Variants in HPD observed in about 807,000 individuals in gnomAD.
HPD encodes 4-hydroxyphenylpyruvate dioxygenase, also known as 4-hydroxyphenylpyruvic acid oxidase.
Under a neutral mutation model 56.9 loss-of-function variants are expected in HPD, and 35 were observed. The observed-to-expected ratio is 0.62, with a 90% CI of 0.47 to 0.82. HPD has a LOEUF of 0.82. HPD is among the 40% of genes least tolerant of loss of function. The pLI is 0.00. For synonymous variants in HPD, 186 were observed against 200.2 expected, an observed-to-expected ratio of 0.93 and a Z score of 0.60; for missense variants, 442 against 506.8, an observed-to-expected ratio of 0.87 and a Z score of 1.23.
the HPD span, among the ~76,000 whole-genome samples, chr12:121,879,355 T>C: frequency 1.1e-4 from 16 of 151,874 alleles, no homozygotes; most frequent in African/African-American, 3.9e-4. Context: ...AAAATACACA[T>C]AATTAAGAGG....
In HPD at chr12:121,856,783, G is replaced by C. The variant is rs1878017877; in HGVS notation, c.199-158C>G. 3 of 708,624 alleles carry C rather than the reference G, an allele frequency of 4.2e-6. No homozygotes were observed. In the African/African-American group the frequency reaches 5.3e-5, roughly 12 times the overall value. The allele number at this position is 708,624 out of a possible 1,614,324, so 43.9% of individuals were successfully genotyped here. A position where few individuals can be genotyped will look rare whatever the true frequency, so the allele number is the denominator to read the frequency against. Reference sequence around the variant, plus strand: ...CTTCTCTGCCTTAGTTTCCCACACTGGTCCTGAGGGATGGGGCTTTCAGCC... The same window carrying C: ...CTTCTCTGCCTTAGTTTCCCACACTCGTCCTGAGGGATGGGGCTTTCAGCC... On this transcript the variant is annotated intron_variant, in intron 4 of 13. Coordinates refer to ENST00000289004, the MANE Select transcript of HPD (RefSeq NM_002150.3).
At chr12:121,850,775 T>G (rs1170127087) in intron 7 of HPD, among the ~76,000 whole-genome samples, 1 of 149,164 alleles carries the variant, frequency 6.7e-6, no homozygotes. Flanking sequence ...CTTGGCTCTC[T>G]GCAACCTCCG....
chr12:121,871,127 C>T, the HPD span, among the ~76,000 whole-genome samples: 1 of 151,782 alleles, frequency 6.6e-6, no homozygotes, highest in African/African-American at 2.4e-5. Context: ...TTTGGGAGGC[C>T]GAGGCAGACA....
At chr12:121,885,275 C>T in the HPD span, among the ~76,000 whole-genome samples, 1 of 151,392 alleles carries the variant, frequency 6.6e-6, no homozygotes, top group South Asian at 2.1e-4. Flanking sequence ...CATCTCGGCT[C>T]ATTGTAACCT....
chr12:121,885,021 G>C, the HPD span, among the ~76,000 whole-genome samples: 1 of 151,896 alleles, frequency 6.6e-6, no homozygotes, highest in Admixed American at 6.6e-5. Context: ...CTCCCGAGTA[G>C]CTGGGATTAC....
chr12:121,870,628 C>G, the HPD span, among the ~76,000 whole-genome samples: 2 of 132,812 alleles, frequency 1.5e-5, no homozygotes, highest in Non-Finnish European at 3.1e-5. Flanking sequence ...CAGAGTTTCA[C>G]TCTTGTTACT....
In HPD at chr12:121,846,898, C is replaced by T. The variant is rs1254554824; in HGVS notation, c.795G>A (p.Gln265=). The T allele has an allele frequency of 1.2e-6, 2 of 1,614,004 alleles. No individual in the cohort carries two copies. Among genetic ancestry groups the T allele is most frequent in the Non-Finnish European group, 1.7e-6 (2 of 1,180,008 alleles). Residue 265 remains glutamine (Q), a synonymous_variant, in exon 11 of 14, where the codon CAG becomes CAA. Transcript: ENST00000289004. ...TGTCTTCGGTCTTGAGAGCGATGTG[C>T]TGGACCCCAGCGCCCCCGTTATAGT... The part of the protein sequence containing the change: ...YVDYNGGAGV[Q]HIALKTEDII...
At position 121,839,579 on chromosome 12, in the gene HPD, C is replaced by G; in HGVS notation, c.*149G>C. On this transcript the variant is annotated 3_prime_UTR_variant, in exon 14 of 14. Coordinates refer to ENST00000289004, the MANE Select transcript of HPD (RefSeq NM_002150.3). ...GGGCTGGAGCAGAGGGCGGCCCCGC[C>G]GAGGGGCGTGGTCAGTGTGGGCGGA... The G allele has an allele frequency of 1.5e-6, 1 of 670,498 alleles. No individual in the cohort carries two copies. The highest frequency in any genetic ancestry group is 2.7e-6 in the Non-Finnish European group (1 of 373,460). The allele number at this position is 670,498 out of a possible 1,614,324, so 41.5% of individuals were successfully genotyped here.
chr12:121,863,236 G>A (rs566951706), upstream of HPD, among the ~76,000 whole-genome samples: 4 of 152,158 alleles, frequency 2.6e-5, no homozygotes, highest in East Asian at 5.8e-4. Flanking sequence ...TTCCCGCCTC[G>A]GCCTCCCAAA....
At chr12:121,872,076 C>CAAA in the HPD span, among the ~76,000 whole-genome samples, 2 of 137,772 alleles carry the variant, frequency 1.5e-5, no homozygotes, top group African/African-American at 2.7e-5. Context: ...ACTAAAAATA[C>CAAA]AAAAAAAAAA....
intron 11 of HPD, among the ~76,000 whole-genome samples, chr12:121,845,972 T>G (rs1221172469): frequency 6.6e-6 from 1 of 152,178 alleles, no homozygotes; most frequent in African/African-American, 2.4e-5. Context: ...CAATCATAGC[T>G]AACTGCAGCC....
At chr12:121,857,650 ATCC>A in intron 3 of HPD, 104 bp downstream of exon 3, 2 of 1,032,590 alleles carry the variant, frequency 1.9e-6, no homozygotes, top group East Asian at 4.8e-5. Context: ...CCCTGGCCTG[ATCC>A]TCCCTCCCAA....
the HPD span, among the ~76,000 whole-genome samples, chr12:121,887,027 G>GGAT: frequency 5.6e-4 from 85 of 152,196 alleles, no homozygotes; most frequent in Middle Eastern, 3.4e-3. Context: ...AGCCTCCCAG[G>GGAT]TAGCTGGGAT....
chr12:121,870,595 G>GTTTTT, the HPD span, among the ~76,000 whole-genome samples: 3 of 123,286 alleles, frequency 2.4e-5, no homozygotes, highest in African/African-American at 9.5e-5. Flanking sequence ...GCTATTGAAG[G>GTTTTT]TTTTTTTTTT....
intron 3 of HPD, 94 bp downstream of exon 3, chr12:121,857,663 A>G (rs1011975943): frequency 3.6e-6 from 4 of 1,118,152 alleles, no homozygotes; most frequent in African/African-American, 1.5e-5. Context: ...CTCCCTCCCA[A>G]GGGCCAATCA....
intron 8 of HPD, 133 bp from the exon 9 acceptor site, chr12:121,849,209 C>A: frequency 1.6e-6 from 1 of 616,656 alleles, no homozygotes; most frequent in East Asian, 2.9e-5. Context: ...GATGGAGTCT[C>A]TACAAAAAGA....
the HPD span, among the ~76,000 whole-genome samples, chr12:121,886,357 C>T: frequency 6.6e-6 from 1 of 150,676 alleles, no homozygotes; most frequent in Admixed American, 6.6e-5. Flanking sequence ...ATCCACCTGG[C>T]TTGGCCTCCC....
intron 3 of HPD, 67 bp from the exon 4 acceptor site, chr12:121,857,499 G>C: frequency 4.8e-6 from 6 of 1,253,064 alleles, no homozygotes; most frequent in Non-Finnish European, 7.0e-6. Context: ...TTCCGCAAGA[G>C]AGCCCCTGGC....
chr12:121,884,955 C>T, the HPD span, among the ~76,000 whole-genome samples: 1 of 152,174 alleles, frequency 6.6e-6, no homozygotes, highest in African/African-American at 2.4e-5. Flanking sequence ...GTGGCACGAT[C>T]TCGGCTCACT....
Sources: gnomAD v4.1 joint callset for allele counts (sites outside exome capture counted in the v4.1 genomes callset) on GRCh38, gnomAD v4.1.1 for gene constraint, MANE v1.5 for transcripts, NCBI Gene and HGNC (gene_info 2026-07-23, HGNC 2026-07-21) for gene names.